Variants in SFMBT1 observed in about 807,000 individuals in gnomAD.
SFMBT1 encodes the protein scm-like with four MBT domains protein 1.
A neutral mutation model predicts 108.7 loss-of-function variants in SFMBT1; 32 were observed. The ratio of observed to expected loss-of-function variants is 0.29; its 90% CI spans 0.22 to 0.40. The LOEUF (loss-of-function observed/expected upper bound fraction) is 0.40, where lower values mean the gene tolerates loss of function less well. SFMBT1 is among the 10% of genes least tolerant of loss of function. The pLI, the probability that SFMBT1 is intolerant of heterozygous loss-of-function variation, is 1.00. For missense variants in SFMBT1, 816 were observed against 1,059.6 expected (o/e 0.77, Z 3.19); for synonymous variants, 348 against 369.5 (o/e 0.94, Z 0.67).
chr3:53,006,137 T>C (rs1283678541), intron 1 of SFMBT1, among the ~76,000 whole-genome samples: 1 of 152,160 alleles, frequency 6.6e-6, no homozygotes, highest in African/African-American at 2.4e-5. Flanking sequence ...AAGAAAAGAC[T>C]AGAAAGCTAG....
chr3:52,948,836 T>A (rs1329894618), intron 3 of SFMBT1, among the ~76,000 whole-genome samples: 1 of 133,934 alleles, frequency 7.5e-6, no homozygotes, highest in African/African-American at 2.7e-5. Context: ...TTTTTTTTTT[T>A]TTTTTTTTTT....
intron 1 of SFMBT1, among the ~76,000 whole-genome samples, chr3:52,971,302 G>A (rs949534990): frequency 4.6e-5 from 7 of 152,102 alleles, no homozygotes; most frequent in Non-Finnish European, 5.9e-5. Flanking sequence ...CATAATGAGC[G>A]TAGAAAACGT....
chr3:52,908,363 C>G (rs917826292), intron 17 of SFMBT1, among the ~76,000 whole-genome samples: 1 of 152,112 alleles, frequency 6.6e-6, no homozygotes, highest in South Asian at 2.1e-4. Context: ...TGAGCCACCA[C>G]GTCCAGCAGC....
At chr3:53,000,029 AT>A (rs1323778618) in intron 1 of SFMBT1, among the ~76,000 whole-genome samples, 1 of 149,722 alleles carries the variant, frequency 6.7e-6, no homozygotes, top group South Asian at 2.1e-4. Flanking sequence ...AGCCCGGCTA[AT>A]TTTTTGTATT....
At chr3:52,957,137 A>G (rs1482229591) in intron 2 of SFMBT1, among the ~76,000 whole-genome samples, 1 of 152,238 alleles carries the variant, frequency 6.6e-6, no homozygotes, top group East Asian at 1.9e-4. Flanking sequence ...CTCACGATAC[A>G]AAATCAATGT....
chr3:52,989,435 A>AAAAG (rs60383345), intron 1 of SFMBT1, among the ~76,000 whole-genome samples: 3,535 of 137,716 alleles, frequency 0.026, 149 homozygotes, highest in African/African-American at 0.079. Flanking sequence ...AAAAAAAAAA[A>AAAAG]AAAGAAAGAA....
chr3:53,001,925 T>TCACACACACACACACA (rs59572829), intron 1 of SFMBT1, among the ~76,000 whole-genome samples: 20 of 129,238 alleles, frequency 1.5e-4, no homozygotes, highest in East Asian at 6.7e-4. Context: ...ACCCAGTCTC[T>TCACACACACACACACA]CACACACACA....
intron 2 of SFMBT1, among the ~76,000 whole-genome samples, chr3:52,967,986 T>C (rs919551393): frequency 1.3e-5 from 2 of 152,314 alleles, no homozygotes; most frequent in African/African-American, 2.4e-5. Context: ...AAGTATTATA[T>C]ACACAATTGT....
intron 1 of SFMBT1, among the ~76,000 whole-genome samples, chr3:53,006,090 C>T (rs955205936): frequency 1.3e-5 from 2 of 152,140 alleles, no homozygotes; most frequent in African/African-American, 4.8e-5. Flanking sequence ...AGCCCATTGG[C>T]GGAAGCATAG....
chr3:52,906,021 T>C (rs1248685777), intron 20 of SFMBT1, 92 bp downstream of exon 20: 14 of 1,424,036 alleles, frequency 9.8e-6, no homozygotes, highest in Non-Finnish European at 1.3e-5. Context: ...TCAAAACATT[T>C]TTCCTAAAAC....
intron 2 of SFMBT1, among the ~76,000 whole-genome samples, chr3:52,965,957 G>GC (rs1704122374): frequency 8.1e-6 from 1 of 123,370 alleles, no homozygotes. Context: ...AGTGAGCCGA[G>GC]ATCCCGCCAC....
intron 2 of SFMBT1, among the ~76,000 whole-genome samples, chr3:52,958,836 C>T (rs1435139625): frequency 1.3e-5 from 2 of 152,034 alleles, no homozygotes; most frequent in African/African-American, 2.4e-5. Flanking sequence ...TGTATGTTCA[C>T]GGCAGTACTA....
intron 1 of SFMBT1, among the ~76,000 whole-genome samples, chr3:52,991,277 G>T (rs1269605055): frequency 1.3e-5 from 2 of 149,482 alleles, no homozygotes; most frequent in Non-Finnish European, 1.5e-5. Context: ...CTTTTCTAGA[G>T]AATTCTTCCC....
chr3:52,917,326 A>C (rs997089221), intron 13 of SFMBT1, among the ~76,000 whole-genome samples: 1 of 152,150 alleles, frequency 6.6e-6, no homozygotes, highest in African/African-American at 2.4e-5. Flanking sequence ...AGTAATTAAG[A>C]TTAAATGAGG....
chr3:52,972,841 AACAC>A (rs55688451), intron 1 of SFMBT1, among the ~76,000 whole-genome samples: 1,352 of 118,880 alleles, frequency 0.011, 17 homozygotes, highest in Middle Eastern at 0.017. Flanking sequence ...ATCTCTACTA[AACAC>A]ACACACACAC....
At chr3:52,972,859 C>CAA (rs1559532580) in intron 1 of SFMBT1, among the ~76,000 whole-genome samples, 1 of 150,388 alleles carries the variant, frequency 6.6e-6, no homozygotes, top group Non-Finnish European at 1.5e-5. Flanking sequence ...CACACACACA[C>CAA]ACACACACAC....
rs980518523 is a variant in SFMBT1, at chr3:53,034,800, G to A, written c.-131+11016C>T. Among the ~76,000 whole-genome samples the A allele has an allele frequency of 4.6e-5, 7 of 151,716 alleles. No individual in the cohort carries two copies. The East Asian group carries it at 5.8e-4, about 13-fold the overall frequency. ...TAAAAATATAAAAAATTAGCCAGGCGTGGTGGCACGTGCCTGTAATCCCAG... is the reference window on the plus strand; with the variant it reads ...TAAAAATATAAAAAATTAGCCAGGCATGGTGGCACGTGCCTGTAATCCCAG... On this transcript the variant is annotated intron_variant, in intron 1 of 20. Coordinates refer to ENST00000394752, the MANE Select transcript of SFMBT1 (RefSeq NM_016329.4).
chr3:52,992,368 C>T (rs2564938), intron 1 of SFMBT1, among the ~76,000 whole-genome samples: 53,061 of 152,054 alleles, frequency 0.35, 10,307 homozygotes, highest in East Asian at 0.54. Context: ...TTTTACATTA[C>T]GTGATTATTA....
At chr3:52,967,447 T>C (rs891825158) in intron 2 of SFMBT1, among the ~76,000 whole-genome samples, 2 of 152,140 alleles carry the variant, frequency 1.3e-5, no homozygotes, top group Non-Finnish European at 1.5e-5. Context: ...TAATGGTTTG[T>C]TGTGATGGAA....
Sources: allele counts gnomAD v4.1 joint callset (sites outside exome capture counted in the v4.1 genomes callset), GRCh38; gene constraint gnomAD v4.1.1; transcripts MANE v1.5; gene names NCBI Gene and HGNC (gene_info 2026-07-23, HGNC 2026-07-21).